Variants in ROBO1 observed in about 807,000 individuals in gnomAD.
The protein encoded by ROBO1 is roundabout homolog 1.
A neutral mutation model predicts 195.9 loss-of-function variants in ROBO1; 149 were observed. The observed-to-expected ratio is 0.76, with a 90% confidence interval of 0.67 to 0.87. The LOEUF (loss-of-function observed/expected upper bound fraction) is 0.87, where lower values mean the gene tolerates loss of function less well. Ranked by LOEUF, ROBO1 falls within the 40% of genes least tolerant of loss-of-function variation. ROBO1 has a pLI of 0.00. For missense variants in ROBO1, 1,933 were observed against 2,068.3 expected, an observed-to-expected ratio of 0.93 and a Z score of 1.27; for synonymous variants, 816 against 733.2, an observed-to-expected ratio of 1.11 and a Z score of -1.82.
chr3:78,637,884 C>T (rs536609858), intron 22 of ROBO1, among the ~76,000 whole-genome samples: 19 of 151,706 alleles, frequency 1.3e-4, no homozygotes, highest in African/African-American at 2.2e-4. Flanking sequence ...ACTTCTCTCT[C>T]GCCTTTCCGT....
chr3:79,438,985 C>A (rs140875450), intron 2 of ROBO1, among the ~76,000 whole-genome samples: 2 of 152,108 alleles, frequency 1.3e-5, no homozygotes, highest in African/African-American at 4.8e-5. Flanking sequence ...TCACCACAAT[C>A]TTTGGGAGCT....
chr3:79,390,768 T>A (rs1462628083), intron 2 of ROBO1, among the ~76,000 whole-genome samples: 1 of 151,970 alleles, frequency 6.6e-6, no homozygotes, highest in Non-Finnish European at 1.5e-5. Flanking sequence ...AAATCAAACT[T>A]AGGAGAAAAA....
intron 2 of ROBO1, among the ~76,000 whole-genome samples, chr3:79,211,148 GT>G (rs1261790420): frequency 2.6e-5 from 4 of 151,868 alleles, no homozygotes; most frequent in African/African-American, 9.7e-5. Context: ...AATTTTTTTA[GT>G]TTTTCTTTAT....
At chr3:79,003,539 T>G (rs2077553405) in intron 3 of ROBO1, among the ~76,000 whole-genome samples, 1 of 152,152 alleles carries the variant, frequency 6.6e-6, no homozygotes, top group Non-Finnish European at 1.5e-5. Context: ...TATTTAGTTT[T>G]CACAGTAACC....
intron 2 of ROBO1, among the ~76,000 whole-genome samples, chr3:79,206,145 G>T (rs759295265): frequency 3.3e-5 from 5 of 152,192 alleles, no homozygotes; most frequent in African/African-American, 1.2e-4. Flanking sequence ...CAGCTGGCAT[G>T]TGAATCATCC....
At chr3:78,960,588 G>A (rs2041282834) in intron 3 of ROBO1, among the ~76,000 whole-genome samples, 1 of 151,898 alleles carries the variant, frequency 6.6e-6, no homozygotes, top group African/African-American at 2.4e-5. Context: ...AGACCATCCT[G>A]GCTAACATGG....
chr3:79,188,835 T>C, intron 2 of ROBO1, among the ~76,000 whole-genome samples: 1 of 151,788 alleles, frequency 6.6e-6, no homozygotes, highest in East Asian at 1.9e-4. Flanking sequence ...AAAATTCATA[T>C]TAGGTAACGT....
chr3:78,706,327 T>C (rs569230697), intron 8 of ROBO1, among the ~76,000 whole-genome samples: 24 of 151,722 alleles, frequency 1.6e-4, no homozygotes, highest in Non-Finnish European at 3.4e-4. Context: ...ACAAAAGAAA[T>C]ATAGGAATAT....
At chr3:78,811,693 T>A (rs1026447074) in intron 4 of ROBO1, among the ~76,000 whole-genome samples, 5 of 152,148 alleles carry the variant, frequency 3.3e-5, no homozygotes, top group African/African-American at 1.2e-4. Context: ...CCTAAACTAG[T>A]CGCTATTCCT....
intron 1 of ROBO1, among the ~76,000 whole-genome samples, chr3:79,764,380 G>A (rs1704872407): frequency 6.6e-6 from 1 of 152,180 alleles, no homozygotes; most frequent in South Asian, 2.1e-4. Flanking sequence ...CTAGCCTATT[G>A]TATGCTATCA....
At chr3:79,684,615 C>T (rs905464723) in intron 1 of ROBO1, among the ~76,000 whole-genome samples, 1 of 151,846 alleles carries the variant, frequency 6.6e-6, no homozygotes, top group Non-Finnish European at 1.5e-5. Flanking sequence ...TTTTATTTAC[C>T]TGCATGTCTC....
chr3:79,443,962 C>A (rs1175280608), intron 2 of ROBO1, among the ~76,000 whole-genome samples: 2 of 150,124 alleles, frequency 1.3e-5, no homozygotes, highest in East Asian at 1.9e-4. Flanking sequence ...ACAGAAAAAC[C>A]GGGAGTGCAC....
intron 3 of ROBO1, among the ~76,000 whole-genome samples, chr3:79,089,664 T>G (rs2108485355): frequency 6.6e-6 from 1 of 152,292 alleles, no homozygotes; most frequent in Admixed American, 6.5e-5. Flanking sequence ...AGTTACCACA[T>G]TCTCAGGAAG....
intron 2 of ROBO1, among the ~76,000 whole-genome samples, chr3:79,232,015 G>A (rs990329304): frequency 6.6e-6 from 1 of 152,024 alleles, no homozygotes; most frequent in Non-Finnish European, 1.5e-5. Context: ...GCTAAATGAT[G>A]AGAAGACATG....
At chr3:78,954,972 T>C (rs1357506336) in intron 3 of ROBO1, among the ~76,000 whole-genome samples, 1 of 152,024 alleles carries the variant, frequency 6.6e-6, no homozygotes, top group Non-Finnish European at 1.5e-5. Context: ...TTTTTACTTT[T>C]ATGTTCAGGG....
intron 2 of ROBO1, among the ~76,000 whole-genome samples, chr3:79,390,136 T>C (rs1341432911): frequency 3.3e-5 from 5 of 152,022 alleles, no homozygotes; most frequent in Non-Finnish European, 7.4e-5. Flanking sequence ...CAAAGATGAA[T>C]GGAAGGGCTG....
chr3:78,598,985 A>G, intron 30 of ROBO1, 58 bp from the exon 31 acceptor site: 2 of 963,962 alleles, frequency 2.1e-6, no homozygotes, highest in Middle Eastern at 3.4e-4. Flanking sequence ...ATTGTGTTAT[A>G]TTTATTTATA....
rs2078015998 is a variant in ROBO1 at position 79,018,575 on chromosome 3, G to C, written c.173-79648C>G. On this transcript the variant is annotated intron_variant, in intron 3 of 30. Transcript: ENST00000464233. ...ACAAAGGCTTAATATAAGCAACGTG[G>C]GTCAATTAGCCAAGAGTTTTCAGGG... 3.1e-5 allele frequency: 47 copies of C among 1,513,456 alleles called. 1 individual carries two copies. The South Asian group carries it at 5.9e-4, about 19-fold the overall frequency. The allele number at this position is 1,513,456 out of a possible 1,614,324, so 93.8% of individuals were successfully genotyped here. A position where few individuals can be genotyped will look rare whatever the true frequency, so the allele number is the denominator to read the frequency against.
At chr3:79,231,074 A>T (rs1314955985) in intron 2 of ROBO1, among the ~76,000 whole-genome samples, 1 of 152,170 alleles carries the variant, frequency 6.6e-6, no homozygotes, top group Non-Finnish European at 1.5e-5. Flanking sequence ...TCAACTCAGG[A>T]TGCATTAAAA....
Sources: allele counts gnomAD v4.1 joint callset (sites outside exome capture counted in the v4.1 genomes callset), GRCh38; gene constraint gnomAD v4.1.1; transcripts MANE v1.5; gene names NCBI Gene and HGNC (gene_info 2026-07-23, HGNC 2026-07-21).